TCF20: variants seen among roughly 807,000 people sequenced by gnomAD.
The protein encoded by TCF20 is transcription factor 20, also known as SPRE-binding protein.
A neutral mutation model predicts 148.6 loss-of-function variants in TCF20; 3 were observed. The observed-to-expected ratio is 0.02, with a 90% CI of 0.01 to 0.05. TCF20 has a LOEUF of 0.05. TCF20 is among the 10% of genes least tolerant of loss of function. The pLI is 1.00. For synonymous variants in TCF20, 1,049 were observed against 909.5 expected (o/e 1.15, Z -2.76); for missense variants, 2,350 against 2,429.3 (o/e 0.97, Z 0.69).
rs1458673481 is a variant in TCF20 at position 42,214,947 on chromosome 22, G to A, written c.359C>T (p.Pro120Leu). ...ATTGCCAAAGCTGCTCCCCTGGGGGGGTCCATAGCTCTGCACAGGCCCAGA... is the reference window on the plus strand; with the variant it reads ...ATTGCCAAAGCTGCTCCCCTGGGGGAGTCCATAGCTCTGCACAGGCCCAGA... ...RPSGPVQSYG[P>L]PQGSSFGNQY... Residue 120 changes from proline to leucine, a missense_variant, in exon 2 of 6, where the codon CCC (proline) becomes CTC (leucine). Transcript: ENST00000677622. 2.5e-6 allele frequency: 4 copies of A among 1,614,226 alleles called. No individual in the cohort carries two copies. The highest frequency in any genetic ancestry group is 2.5e-6 in the Non-Finnish European group (3 of 1,180,038).
intron 1 of TCF20, among the ~76,000 whole-genome samples, chr22:42,216,044 CGG>C (rs897706015): frequency 1.0e-5 from 1 of 98,742 alleles, no homozygotes; most frequent in Non-Finnish European, 2.1e-5. Context: ...CCCAGTTATG[CGG>C]GGGAGGGGGT....
intron 1 of TCF20, among the ~76,000 whole-genome samples, chr22:42,309,013 C>T (rs1284469166): frequency 2.0e-5 from 3 of 152,074 alleles, no homozygotes; most frequent in East Asian, 3.9e-4. Flanking sequence ...GGGAACACGC[C>T]GGTGCCTGCC....
At chr22:42,238,458 T>C (rs1924078862) in intron 1 of TCF20, among the ~76,000 whole-genome samples, 1 of 152,256 alleles carries the variant, frequency 6.6e-6, no homozygotes, top group South Asian at 2.1e-4. Flanking sequence ...GTTGTACTTT[T>C]AACTTTCTTC....
At chr22:42,309,713 C>A (rs560431561) in intron 1 of TCF20, among the ~76,000 whole-genome samples, 32 of 152,246 alleles carry the variant, frequency 2.1e-4, no homozygotes, top group Non-Finnish European at 4.3e-4. Context: ...GCTCAGACTT[C>A]TTTCCTCTCA....
At chr22:42,190,357 G>A (rs990285778) in intron 2 of TCF20, among the ~76,000 whole-genome samples, 1 of 152,130 alleles carries the variant, frequency 6.6e-6, no homozygotes, top group Non-Finnish European at 1.5e-5. Flanking sequence ...CTATTCAGGA[G>A]GCTGAGGCAG....
Position 42,169,893 on chromosome 22 carries a change from C to G in TCF20, c.5753G>C (p.Cys1918Ser). The change falls in exon 4 of 6, where the codon TGT becomes TCT. Residue 1918 changes from cysteine (C) to serine (S), a missense_variant. Transcript: ENST00000677622. ...YHYPCAIDADCLLHEENFSVR... is the reference protein window; with the variant it reads ...YHYPCAIDADSLLHEENFSVR... Reference sequence around the variant, plus strand: ...CGAGAAGTTCTCCTCATGTAGCAAACAATCTGGAAGACAGAAGGGGACAGT... The same window carrying G: ...CGAGAAGTTCTCCTCATGTAGCAAAGAATCTGGAAGACAGAAGGGGACAGT... 1.2e-6 allele frequency: 2 copies of G among 1,613,432 alleles called. No homozygotes were observed. The highest frequency in any genetic ancestry group is 1.7e-6 in the Non-Finnish European group (2 of 1,179,976).
At chr22:42,219,701 C>T (rs1922174993) in intron 1 of TCF20, among the ~76,000 whole-genome samples, 1 of 151,696 alleles carries the variant, frequency 6.6e-6, no homozygotes, top group African/African-American at 2.4e-5. Context: ...ATAAAAAATA[C>T]AAAAATTAGC....
In TCF20 at chr22:42,214,755, C is replaced by T. The variant is rs752558346; in HGVS notation, c.551G>A (p.Arg184Lys). Residue 184 changes from arginine to lysine, a missense_variant, in exon 2 of 6, where the codon AGA becomes AAA. Around this residue, in one of 7 missense-constraint regions of TCF20, gnomAD observed 1,641 missense variants for 1,662.6 expected, o/e 0.99. Transcript: ENST00000677622. Reference sequence around the variant, plus strand: ...CTGATGGGACTGGTAAAGCTGTTGTCTCAACTGCTGGACTTGCTGCTGCTG... The same window carrying T: ...CTGATGGGACTGGTAAAGCTGTTGTTTCAACTGCTGGACTTGCTGCTGCTG... Reference protein sequence around the residue: ...QQQQQQVQQLRQQLYQSHQPL... With the variant: ...QQQQQQVQQLKQQLYQSHQPL... 3 of 1,613,880 alleles carry T rather than the reference C, an allele frequency of 1.9e-6. No homozygotes were observed. The South Asian group carries it at 3.3e-5, about 18-fold the overall frequency.
At chr22:42,254,128 T>C (rs928710901) in intron 1 of TCF20, among the ~76,000 whole-genome samples, 4 of 151,824 alleles carry the variant, frequency 2.6e-5, no homozygotes, top group Admixed American at 1.3e-4. Context: ...GCATATTCCT[T>C]TGAGAGCTGG....
chr22:42,170,366 G>C (rs1246255290), intron 3 of TCF20, among the ~76,000 whole-genome samples: 1 of 151,566 alleles, frequency 6.6e-6, no homozygotes, highest in Non-Finnish European at 1.5e-5. Flanking sequence ...TGAAAGGCTG[G>C]GTGTGATGGC....
In TCF20 at chr22:42,259,865, G is replaced by A. The variant is rs149218659; in HGVS notation, c.-37+10474C>T. Among the ~76,000 whole-genome samples, 3 of 152,340 alleles carry A rather than the reference G, an allele frequency of 2.0e-5. No individual in the cohort carries two copies. The East Asian group carries it at 5.8e-4, about 29-fold the overall frequency. On this transcript the variant is annotated intron_variant, in intron 1 of 5. Transcript: ENST00000677622. The stretch of plus-strand genomic sequence containing the variant: ...ACAAGATAAATTCAGGCTGTTCATG[G>A]AGGCTCATGCCTGTAATCCCAGGAG...
chr22:42,330,178 C>G (rs1927947797), intron 1 of TCF20, among the ~76,000 whole-genome samples: 1 of 152,242 alleles, frequency 6.6e-6, no homozygotes, highest in Non-Finnish European at 1.5e-5. Context: ...GCTGCAGAGG[C>G]CTGGAGGGCA....
chr22:42,166,130 T>C (rs1327246010), intron 5 of TCF20, among the ~76,000 whole-genome samples: 1 of 152,246 alleles, frequency 6.6e-6, no homozygotes. Flanking sequence ...AAAAGCTATA[T>C]GCCTTGTGGG....
chr22:42,272,166 C>T (rs985123927), upstream of TCF20, among the ~76,000 whole-genome samples: 1 of 152,244 alleles, frequency 6.6e-6, no homozygotes, highest in African/African-American at 2.4e-5. Flanking sequence ...GAACAAGCCA[C>T]GGGGCCCTGC....
At chr22:42,250,923 T>C (rs1262428558) in intron 1 of TCF20, among the ~76,000 whole-genome samples, 2 of 151,868 alleles carry the variant, frequency 1.3e-5, no homozygotes, top group African/African-American at 2.4e-5. Context: ...CAAGAGAGAG[T>C]GTGAGGTGCC....
At chr22:42,271,472 A>G (rs1245558272), upstream of TCF20, among the ~76,000 whole-genome samples, 1 of 152,224 alleles carries the variant, frequency 6.6e-6, no homozygotes, top group African/African-American at 2.4e-5. Flanking sequence ...TTCTAAAGCA[A>G]AGGAAGGGCT....
At chr22:42,265,827 G>C (rs754842742) in intron 1 of TCF20, among the ~76,000 whole-genome samples, 12 of 152,176 alleles carry the variant, frequency 7.9e-5, no homozygotes, top group Non-Finnish European at 1.6e-4. Flanking sequence ...GGAAGAGATA[G>C]CCCTTTACGT....
At position 42,279,477 on chromosome 22, in the gene TCF20, TAAATA is replaced by T. The variant is rs1293430665; in HGVS notation, c.-37+4345_-37+4349del. Among the ~76,000 whole-genome samples, 7 of 151,980 alleles carry T rather than the reference TAAATA, an allele frequency of 4.6e-5. No individual in the cohort carries two copies. The highest frequency in any genetic ancestry group is 2.0e-4 in the Admixed American group (3 of 15,258). ...GGGCAACAGAGCGACTCCCTCTCAA[TAAATA>T]AAATAAAATAAGGAAGGACAGAGGG... is the stretch of plus-strand genomic sequence containing the variant. On this transcript the variant is annotated intron_variant, in intron 1 of 5. Transcript: ENST00000359486. The surrounding 1 kb of genome is among the most constrained non-coding windows in gnomAD (Gnocchi z 4.3).
At chr22:42,248,482 A>G (rs996176836) in intron 1 of TCF20, among the ~76,000 whole-genome samples, 2 of 152,232 alleles carry the variant, frequency 1.3e-5, no homozygotes, top group Admixed American at 1.3e-4. Flanking sequence ...TGTGCCTGGT[A>G]CTGGGTAAGG....
Sources: allele counts gnomAD v4.1 joint callset (sites outside exome capture counted in the v4.1 genomes callset), GRCh38; gene constraint gnomAD v4.1.1; regional missense constraint gnomAD v4.1.1; non-coding constraint Gnocchi (gnomAD v3.1); transcripts MANE v1.5; gene names NCBI Gene and HGNC (gene_info 2026-07-23, HGNC 2026-07-21).